Variants in GRM7 observed in about 807,000 individuals in gnomAD.
GRM7 encodes metabotropic glutamate receptor 7.
In GRM7, 35 loss-of-function variants were observed where a neutral mutation model predicts 84.5. The ratio of observed to expected loss-of-function variants is 0.41; its 90% confidence interval spans 0.32 to 0.55. The LOEUF (loss-of-function observed/expected upper bound fraction) is 0.55, where lower values mean the gene tolerates loss of function less well. Ranked by LOEUF, GRM7 falls within the 20% of genes least tolerant of loss-of-function variation. The pLI, the probability that GRM7 is intolerant of heterozygous loss-of-function variation, is 0.19. For synonymous variants in GRM7, 487 were observed against 455.1 expected, an observed-to-expected ratio of 1.07 and a Z score of -0.89; for missense variants, 1,003 against 1,194.6, an observed-to-expected ratio of 0.84 and a Z score of 2.36.
intron 2 of GRM7, among the ~76,000 whole-genome samples, chr3:7,229,760 T>TATATATATATATA (rs68069165): frequency 8.1e-4 from 19 of 23,450 alleles, no homozygotes; most frequent in South Asian, 1.8e-3. Context: ...TATATATATA[T>TATATATATATATA]TTTTTTTTTT....
intron 1 of GRM7, among the ~76,000 whole-genome samples, chr3:6,897,294 G>A (rs1696219293): frequency 6.6e-6 from 1 of 152,136 alleles, no homozygotes. Context: ...GCATCACTGG[G>A]GAATTGCAAA....
At chr3:7,311,886 C>T (rs1288462492) in intron 4 of GRM7, among the ~76,000 whole-genome samples, 1 of 152,180 alleles carries the variant, frequency 6.6e-6, no homozygotes, top group African/African-American at 2.4e-5. Context: ...TAAGCCACTG[C>T]ACCCGGCCTC....
intron 7 of GRM7, among the ~76,000 whole-genome samples, chr3:7,559,862 C>T (rs1693935154): frequency 6.6e-6 from 1 of 151,938 alleles, no homozygotes; most frequent in South Asian, 2.1e-4. Flanking sequence ...GAGGGCTCTC[C>T]TCTGGGCTTG....
chr3:7,385,093 T>C (rs1694732321), intron 4 of GRM7, among the ~76,000 whole-genome samples: 2 of 152,228 alleles, frequency 1.3e-5, no homozygotes, highest in African/African-American at 4.8e-5. Flanking sequence ...AGCCTCCTTT[T>C]AAAATGTGCG....
intron 1 of GRM7, among the ~76,000 whole-genome samples, chr3:6,878,843 C>T (rs1486286185): frequency 6.6e-6 from 1 of 152,210 alleles, no homozygotes; most frequent in East Asian, 1.9e-4. Context: ...TGTTAAAACA[C>T]ACATTGTTGG....
At chr3:7,241,751 C>A (rs1697566906) in intron 2 of GRM7, among the ~76,000 whole-genome samples, 1 of 152,062 alleles carries the variant, frequency 6.6e-6, no homozygotes, top group Admixed American at 6.6e-5. Context: ...TCAGGTTTGC[C>A]AGCAAAGTCC....
intron 4 of GRM7, among the ~76,000 whole-genome samples, chr3:7,344,497 T>C (rs1193607039): frequency 6.6e-6 from 1 of 152,126 alleles, no homozygotes; most frequent in Non-Finnish European, 1.5e-5. Flanking sequence ...CTGTTATTTA[T>C]GGGCATGTAA....
intron 9 of GRM7, among the ~76,000 whole-genome samples, chr3:7,682,554 ACACACACACACACACAC>A (rs1325514564): frequency 1.0e-4 from 10 of 98,760 alleles, no homozygotes; most frequent in Non-Finnish European, 1.6e-4. Context: ...ACACACACAC[ACACACACACACACACAC>A]ATTTAACTAG....
chr3:7,300,425 C>A (rs1438549131), intron 3 of GRM7, among the ~76,000 whole-genome samples: 1 of 152,168 alleles, frequency 6.6e-6, no homozygotes, highest in African/African-American at 2.4e-5. Context: ...GGATTACTTG[C>A]TTCTTAGATA....
chr3:7,693,717 C>G (rs919425889), intron 9 of GRM7: 5 of 1,407,918 alleles, frequency 3.6e-6, no homozygotes, highest in Non-Finnish European at 4.9e-6. Context: ...TTCTAAGTGT[C>G]CTAAGGAAGC....
intron 1 of GRM7, among the ~76,000 whole-genome samples, chr3:7,101,423 CTTG>C (rs1699104370): frequency 6.6e-6 from 1 of 151,414 alleles, no homozygotes; most frequent in Non-Finnish European, 1.5e-5. Flanking sequence ...CTTTCTTATG[CTTG>C]TTGTTTGTGT....
At chr3:7,259,151 A>G (rs1422151801) in intron 2 of GRM7, among the ~76,000 whole-genome samples, 1 of 152,232 alleles carries the variant, frequency 6.6e-6, no homozygotes, top group African/African-American at 2.4e-5. Flanking sequence ...CCATTTGGCC[A>G]GCATGCCAAA....
chr3:6,980,902 A>G (rs571605218), intron 1 of GRM7, among the ~76,000 whole-genome samples: 2 of 152,324 alleles, frequency 1.3e-5, no homozygotes, highest in African/African-American at 4.8e-5. Flanking sequence ...CTCATAACCC[A>G]TCCAATGTAA....
At chr3:7,565,497 A>G (rs1377299232) in intron 7 of GRM7, among the ~76,000 whole-genome samples, 1 of 152,190 alleles carries the variant, frequency 6.6e-6, no homozygotes, top group Non-Finnish European at 1.5e-5. Flanking sequence ...TCCTGAACAA[A>G]ACTTAGGTAA....
chr3:6,943,652 G>T (rs1012723086), intron 1 of GRM7, among the ~76,000 whole-genome samples: 6 of 151,880 alleles, frequency 4.0e-5, no homozygotes, highest in Non-Finnish European at 8.8e-5. Flanking sequence ...GTTCTTTAAG[G>T]TTATGTTGCC....
intron 1 of GRM7, among the ~76,000 whole-genome samples, chr3:6,938,090 C>CTGTTG (rs1697752582): frequency 6.6e-6 from 1 of 152,174 alleles, no homozygotes; most frequent in African/African-American, 2.4e-5. Flanking sequence ...ACAGCCTGAG[C>CTGTTG]ACCTTCATTC....
intron 1 of GRM7, among the ~76,000 whole-genome samples, chr3:7,081,002 T>A (rs1210409175): frequency 6.6e-6 from 1 of 152,062 alleles, no homozygotes; most frequent in Admixed American, 6.6e-5. Flanking sequence ...TTTCTATGCA[T>A]CTCCTTATAC....
chr3:7,359,255 T>TGTG (rs754428287), intron 4 of GRM7, among the ~76,000 whole-genome samples: 2 of 136,580 alleles, frequency 1.5e-5, no homozygotes, highest in South Asian at 2.3e-4. Context: ...TGTGTGTGTG[T>TGTG]TGTGGTTTTA....
At chr3:6,871,968 C>T (rs549039086) in intron 1 of GRM7, among the ~76,000 whole-genome samples, 6 of 152,188 alleles carry the variant, frequency 3.9e-5, no homozygotes, top group Admixed American at 3.3e-4. Flanking sequence ...AGCTCCCTCT[C>T]CTCCACTCCT....
Sources: allele counts gnomAD v4.1 joint callset (sites outside exome capture counted in the v4.1 genomes callset), GRCh38; gene constraint gnomAD v4.1.1; transcripts MANE v1.5; gene names NCBI Gene and HGNC (gene_info 2026-07-23, HGNC 2026-07-21).